The following GLIS3 variants were observed in gnomAD, a reference collection of about 807,000 sequenced individuals.
GLIS3 encodes the protein zinc finger protein GLIS3.
Under a neutral mutation model 78.6 loss-of-function variants are expected in GLIS3, and 53 were observed. That is an observed-to-expected ratio of 0.67 (90% CI 0.54 to 0.85). The LOEUF (loss-of-function observed/expected upper bound fraction) is 0.85, where lower values mean the gene tolerates loss of function less well. Ranked by LOEUF, GLIS3 falls within the 40% of genes least tolerant of loss-of-function variation. The pLI is 0.00. For missense variants in GLIS3, 1,703 were observed against 1,231.1 expected, an observed-to-expected ratio of 1.38 and a Z score of -5.74; for synonymous variants, 684 against 509.9, an observed-to-expected ratio of 1.34 and a Z score of -4.60.
intron 2 of GLIS3, among the ~76,000 whole-genome samples, chr9:4,267,148 C>T (rs1444467965): frequency 6.6e-6 from 1 of 152,144 alleles, no homozygotes; most frequent in Non-Finnish European, 1.5e-5. Flanking sequence ...CCCCCACACA[C>T]ACCCATGTCC....
intron 4 of GLIS3, among the ~76,000 whole-genome samples, chr9:3,981,152 G>C (rs932332388): frequency 6.6e-6 from 1 of 152,122 alleles, no homozygotes; most frequent in African/African-American, 2.4e-5. Flanking sequence ...ACAAGCCTTT[G>C]TTAAAACCTT....
chr9:4,365,871 C>A, the GLIS3 span, among the ~76,000 whole-genome samples: 2 of 152,236 alleles, frequency 1.3e-5, no homozygotes, highest in Non-Finnish European at 2.9e-5. Context: ...AACACCCCTC[C>A]ACCCCAAAGG....
chr9:4,017,406 C>G (rs562054737), intron 4 of GLIS3, among the ~76,000 whole-genome samples: 32 of 152,224 alleles, frequency 2.1e-4, no homozygotes, highest in African/African-American at 7.7e-4. Flanking sequence ...GATACACTGT[C>G]CAAGAAGTTG....
chr9:4,290,544 T>C (rs10814915), intron 1 of GLIS3, among the ~76,000 whole-genome samples: 71,034 of 151,948 alleles, frequency 0.47, 17,965 homozygotes, highest in Non-Finnish European at 0.57. Flanking sequence ...GAAAAGCCTA[T>C]TGATAGATAA....
At chr9:4,367,919 A>T in the GLIS3 span, among the ~76,000 whole-genome samples, 2 of 152,220 alleles carry the variant, frequency 1.3e-5, no homozygotes, top group East Asian at 3.8e-4. Context: ...TAGTGAGGAA[A>T]GTTAAGTTCA....
At chr9:4,183,138 T>C (rs981573717) in intron 2 of GLIS3, among the ~76,000 whole-genome samples, 55 of 152,332 alleles carry the variant, frequency 3.6e-4, no homozygotes, top group African/African-American at 1.2e-3. Flanking sequence ...GTTAAGGCAC[T>C]GCCACAGTGA....
At chr9:4,079,506 G>T (rs1828366820) in intron 4 of GLIS3, among the ~76,000 whole-genome samples, 1 of 152,160 alleles carries the variant, frequency 6.6e-6, no homozygotes, top group East Asian at 1.9e-4. Flanking sequence ...TCACCTGCAT[G>T]TCCAGCAATG....
At chr9:4,444,256 C>G in the GLIS3 span, among the ~76,000 whole-genome samples, 1 of 152,180 alleles carries the variant, frequency 6.6e-6, no homozygotes. Context: ...TATCTTAATT[C>G]ACAAGAACAG....
At chr9:4,338,955 C>A (rs1277939849) in intron 2 of GLIS3, among the ~76,000 whole-genome samples, 1 of 152,088 alleles carries the variant, frequency 6.6e-6, no homozygotes, top group Non-Finnish European at 1.5e-5. Flanking sequence ...GGACACAAAG[C>A]CTTCAAAATG....
intron 2 of GLIS3, among the ~76,000 whole-genome samples, chr9:4,326,679 T>C (rs1385737492): frequency 6.6e-6 from 1 of 151,956 alleles, no homozygotes; most frequent in Admixed American, 6.5e-5. Flanking sequence ...CAAAAAGTAG[T>C]TTGAATAGTA....
the GLIS3 span, among the ~76,000 whole-genome samples, chr9:4,461,922 G>A: frequency 6.6e-6 from 1 of 151,874 alleles, no homozygotes; most frequent in South Asian, 2.1e-4. Flanking sequence ...GAATGAGAAA[G>A]GGCTTTGTAG....
At chr9:4,349,772 G>A (rs1395110002), upstream of GLIS3, among the ~76,000 whole-genome samples, 5 of 152,154 alleles carry the variant, frequency 3.3e-5, no homozygotes, top group African/African-American at 1.2e-4. Context: ...AAAATATCCG[G>A]GTACCAGAAA....
intron 2 of GLIS3, among the ~76,000 whole-genome samples, chr9:4,339,173 A>G (rs1817798508): frequency 6.6e-6 from 1 of 152,232 alleles, no homozygotes; most frequent in Non-Finnish European, 1.5e-5. Flanking sequence ...GGTGGCATAG[A>G]TAGAATTCTG....
At chr9:4,145,849 C>T (rs141281607) in intron 2 of GLIS3, among the ~76,000 whole-genome samples, 14 of 152,064 alleles carry the variant, frequency 9.2e-5, no homozygotes, top group African/African-American at 2.7e-4. Context: ...AGTGCATACC[C>T]GCTCAGTAGA....
chr9:4,017,486 T>C (rs192642746), intron 4 of GLIS3, among the ~76,000 whole-genome samples: 1 of 152,056 alleles, frequency 6.6e-6, no homozygotes, highest in Non-Finnish European at 1.5e-5. Flanking sequence ...AGTATACAAA[T>C]GTCACATGAG....
At chr9:4,138,168 A>G (rs1311821937) in intron 2 of GLIS3, among the ~76,000 whole-genome samples, 27 of 152,204 alleles carry the variant, frequency 1.8e-4, no homozygotes. Context: ...AAAATATATA[A>G]AAGTGGAATT....
chr9:4,408,455 C>T, the GLIS3 span, among the ~76,000 whole-genome samples: 58 of 150,188 alleles, frequency 3.9e-4, no homozygotes, highest in South Asian at 2.1e-3. Flanking sequence ...ATAGGCCGGG[C>T]ACCTTGGCTC....
intron 2 of GLIS3, among the ~76,000 whole-genome samples, chr9:4,214,077 T>C (rs1189160014): frequency 2.0e-5 from 3 of 152,272 alleles, no homozygotes; most frequent in Non-Finnish European, 2.9e-5. Flanking sequence ...ATCTCACTCA[T>C]AGCCTTTGCC....
intron 4 of GLIS3, among the ~76,000 whole-genome samples, chr9:4,017,098 A>G (rs904113144): frequency 6.6e-5 from 10 of 152,188 alleles, no homozygotes; most frequent in African/African-American, 2.2e-4. Flanking sequence ...TTTCTCTTTC[A>G]GAAACCACTA....
Sources: allele counts gnomAD v4.1 joint callset (sites outside exome capture counted in the v4.1 genomes callset), GRCh38; gene constraint gnomAD v4.1.1; transcripts MANE v1.5; gene names NCBI Gene and HGNC (gene_info 2026-07-23, HGNC 2026-07-21).